The following TSPAN2 variants were observed in gnomAD, a reference collection of about 807,000 sequenced individuals.
TSPAN2 encodes tetraspanin-2.
A neutral mutation model predicts 33.3 loss-of-function variants in TSPAN2; 24 were observed. The ratio of observed to expected loss-of-function variants is 0.72; its 90% CI spans 0.52 to 1.01. TSPAN2 has a LOEUF of 1.01. Among genes scored for constraint, TSPAN2 ranks in the 50% least tolerant of loss-of-function variants. The pLI is 0.00. For missense variants in TSPAN2, 278 were observed against 281.3 expected (o/e 0.99, Z 0.08); for synonymous variants, 114 against 104.5 (o/e 1.09, Z -0.56).
chr1:115,089,279 C>A, intron 1 of TSPAN2, 85 bp downstream of exon 1: 2 of 1,269,050 alleles, frequency 1.6e-6, no homozygotes, highest in Non-Finnish European at 2.1e-6. Flanking sequence ...GACTCGGACG[C>A]CGCAGTCAGC....
Position 115,072,981 on chromosome 1 carries a change from A to G in TSPAN2, c.96T>C (p.Phe32=), listed in dbSNP as rs752245027. The G allele has an allele frequency of 1.2e-6, 2 of 1,614,092 alleles. No homozygotes were observed. Among genetic ancestry groups the G allele is most frequent in the Middle Eastern group, 1.6e-4 (1 of 6,084 alleles). ...CACCTCCGAACCGAAACCATAGTCCAAAAGCAATGACGGCCGATCCAGCCA... is the reference window on the plus strand; with the variant it reads ...CACCTCCGAACCGAAACCATAGTCCGAAAGCAATGACGGCCGATCCAGCCA... ...FWLAGSAVIA[F]GLWFRFGGAI... The change falls in exon 2 of 8, where the codon TTT becomes TTC. Residue 32 remains phenylalanine (F), a synonymous_variant. Transcript: ENST00000369516.
chr1:115,072,021 A>T (rs1405998487), intron 2 of TSPAN2, among the ~76,000 whole-genome samples: 1 of 152,168 alleles, frequency 6.6e-6, no homozygotes, highest in African/African-American at 2.4e-5. Context: ...GCTGGTGCAG[A>T]TCCTAAAACA....
At chr1:115,068,347 C>T (rs919519689) in intron 2 of TSPAN2, among the ~76,000 whole-genome samples, 1 of 152,236 alleles carries the variant, frequency 6.6e-6, no homozygotes, top group African/African-American at 2.4e-5. Context: ...AAGCTTCCCC[C>T]AGAAGATGGG....
At chr1:115,088,061 G>A (rs1276315353) in intron 1 of TSPAN2, among the ~76,000 whole-genome samples, 3 of 152,154 alleles carry the variant, frequency 2.0e-5, no homozygotes, top group Non-Finnish European at 2.9e-5. Context: ...CTTCAGAAAC[G>A]CCTCTCCCTA....
chr1:115,077,636 G>C (rs1160049048), intron 1 of TSPAN2, among the ~76,000 whole-genome samples: 1 of 152,106 alleles, frequency 6.6e-6, no homozygotes, highest in African/African-American at 2.4e-5. Context: ...ATGGCTATCT[G>C]CCAAAAAAAA....
In TSPAN2 at chr1:115,089,425, C is replaced by T; in HGVS notation, c.8G>A (p.Arg3His). ...GATGCACCGCAGGCCCCCGCGGAAG[C>T]GCCCCATGCTGCGGCCCGGCGGCGG... Reference protein sequence around the residue: MGRFRGGLRCIKY... With the variant: MGHFRGGLRCIKY... The change falls in exon 1 of 8, where the codon CGC (arginine) becomes CAC (histidine). Residue 3 changes from arginine to histidine, a missense_variant. Coordinates refer to ENST00000369516, the MANE Select transcript of TSPAN2 (RefSeq NM_005725.6). The T allele has an allele frequency of 6.3e-7, 1 of 1,574,904 alleles. No homozygotes were observed. The highest frequency in any genetic ancestry group is 8.6e-7 in the Non-Finnish European group (1 of 1,162,280).
In TSPAN2 at chr1:115,065,704, A is replaced by T. The variant is rs12239090; in HGVS notation, c.173-3472T>A. Among the ~76,000 whole-genome samples, 1,192 of 152,330 alleles carry T rather than the reference A, an allele frequency of 7.8e-3. 23 individuals are homozygous for T. Among genetic ancestry groups the T allele is most frequent in the African/African-American group, 0.027 (1,141 of 41,568 alleles). On this transcript the variant is annotated intron_variant, in intron 2 of 7. Coordinates refer to ENST00000369516, the MANE Select transcript of TSPAN2 (RefSeq NM_005725.6). ...GTATACAATGTGTAAGGATCAAATC[A>T]GTGTCACTGAGATATCCATCACCTC...
At chr1:115,057,243 T>C (rs868798368) in intron 6 of TSPAN2, among the ~76,000 whole-genome samples, 43 of 152,356 alleles carry the variant, frequency 2.8e-4, no homozygotes, top group African/African-American at 9.6e-4. Flanking sequence ...CCATCATCTA[T>C]GTAGGTGGTG....
intron 2 of TSPAN2, among the ~76,000 whole-genome samples, chr1:115,071,715 TGTC>T (rs1176906384): frequency 6.6e-6 from 1 of 152,244 alleles, no homozygotes; most frequent in Non-Finnish European, 1.5e-5. Flanking sequence ...AAATGTGGAA[TGTC>T]CTTATTGTTA....
rs758207013 is a variant in TSPAN2 at position 115,060,558 on chromosome 1, C to T, written c.271-20G>A. The stretch of plus-strand genomic sequence containing the variant: ...AAAAAACTGTAGAGGAGAGAAAATA[C>T]TAATTTCATTAATTTAATACCTTTT... On this transcript the variant is annotated intron_variant, in intron 3 of 7. Coordinates refer to ENST00000369516, the MANE Select transcript of TSPAN2 (RefSeq NM_005725.6). 1.9e-5 allele frequency: 30 copies of T among 1,588,880 alleles called. 1 individual carries two copies. The African/African-American group carries it at 3.4e-4, about 18-fold the overall frequency.
intron 2 of TSPAN2, among the ~76,000 whole-genome samples, chr1:115,067,604 C>T (rs1057001916): frequency 2.0e-5 from 3 of 152,044 alleles, no homozygotes; most frequent in African/African-American, 7.3e-5. Context: ...AGCCAAGCCA[C>T]CCCCTTGGTG....
chr1:115,074,397 G>A (rs1340589792), intron 1 of TSPAN2, among the ~76,000 whole-genome samples: 1 of 152,116 alleles, frequency 6.6e-6, no homozygotes, highest in Non-Finnish European at 1.5e-5. Flanking sequence ...GAAAAGAGGT[G>A]CGACCTCAGT....
chr1:115,065,383 C>G (rs1647911892), intron 2 of TSPAN2, among the ~76,000 whole-genome samples: 1 of 152,206 alleles, frequency 6.6e-6, no homozygotes, highest in Admixed American at 6.5e-5. Context: ...GTAGAGCCTT[C>G]TCCTTCCCAC....
intron 1 of TSPAN2, among the ~76,000 whole-genome samples, chr1:115,074,561 T>TA (rs1468349379): frequency 6.6e-6 from 1 of 152,044 alleles, no homozygotes; most frequent in Non-Finnish European, 1.5e-5. Flanking sequence ...CGTCTGCATT[T>TA]AAAAAAAGGG....
Position 115,072,938 on chromosome 1 carries a change from A to T in TSPAN2, c.139T>A (p.Ser47Thr). 6.2e-7 allele frequency: 1 copy of T among 1,614,174 alleles called. No individual in the cohort carries two copies. Among genetic ancestry groups the T allele is most frequent in the African/African-American group, 1.3e-5 (1 of 75,026 alleles). The change falls in exon 2 of 8, where the codon TCA becomes ACA. Residue 47 changes from serine to threonine, a missense_variant. Physicochemically the swap from Ser to Thr is moderately conservative, Grantham distance 58. Transcript: ENST00000369516. ...RFGGAIKELS[S>T]EDKSPEYFYV... Reference sequence around the variant, plus strand: ...AAATACTCTGGGGACTTGTCCTCTGATGATAACTCCTTTATGGCACCTCCG... The same window carrying T: ...AAATACTCTGGGGACTTGTCCTCTGTTGATAACTCCTTTATGGCACCTCCG...
intron 1 of TSPAN2, among the ~76,000 whole-genome samples, chr1:115,076,430 A>T (rs1461289976): frequency 1.3e-5 from 2 of 152,134 alleles, no homozygotes; most frequent in Admixed American, 1.3e-4. Context: ...AACCATCAGG[A>T]GCATGAATGT....
chr1:115,048,151 G>A lies in TSPAN2; in HGVS notation c.*2339C>T, dbSNP rs1254961915. On this transcript the variant is annotated 3_prime_UTR_variant, in exon 8 of 8. Transcript: ENST00000369516. ...TTAGTTCAGGGGAACAGAAATAGCT[G>A]AAAATTTATGTATATGTGTATGTAT... The A allele has an allele frequency of 6.8e-6, 1 of 147,228 alleles. No homozygotes were observed. Among genetic ancestry groups the A allele is most frequent in the Admixed American group, 6.9e-5 (1 of 14,432 alleles). The allele number at this position is 147,228 out of a possible 1,614,324, so 9.1% of individuals were successfully genotyped here. A position where few individuals can be genotyped will look rare whatever the true frequency, so the allele number is the denominator to read the frequency against.
intron 2 of TSPAN2, among the ~76,000 whole-genome samples, chr1:115,071,907 T>C (rs989411911): frequency 3.3e-5 from 5 of 151,796 alleles, no homozygotes; most frequent in Admixed American, 3.3e-4. Flanking sequence ...CTCTCTCTCA[T>C]GGAAGAGACT....
At chr1:115,086,950 T>A (rs1412187660) in intron 1 of TSPAN2, among the ~76,000 whole-genome samples, 19 of 152,058 alleles carry the variant, frequency 1.2e-4, no homozygotes, top group Non-Finnish European at 4.4e-5. Flanking sequence ...GGAGTTTCGC[T>A]CTTGTTGCCC....
Sources: allele counts gnomAD v4.1 joint callset (sites outside exome capture counted in the v4.1 genomes callset), GRCh38; gene constraint gnomAD v4.1.1; transcripts MANE v1.5; gene names NCBI Gene and HGNC (gene_info 2026-07-23, HGNC 2026-07-21).